PLCZ1: variants seen among roughly 807,000 people sequenced by gnomAD.
PLCZ1 encodes 1-phosphatidylinositol 4,5-bisphosphate phosphodiesterase zeta-1.
In PLCZ1, 64 loss-of-function variants were observed where a neutral mutation model predicts 76.8. That is an observed-to-expected ratio of 0.83 (90% CI 0.68 to 1.03). The LOEUF is 1.03. Among genes scored for constraint, PLCZ1 ranks in the 50% least tolerant of loss-of-function variants. The pLI is 0.00. For missense variants in PLCZ1, 751 were observed against 713.7 expected, an observed-to-expected ratio of 1.05 and a Z score of -0.60; for synonymous variants, 248 against 230.8, an observed-to-expected ratio of 1.07 and a Z score of -0.68.
the PLCZ1 span, among the ~76,000 whole-genome samples, chr12:18,664,627 G>A: frequency 6.6e-6 from 1 of 151,686 alleles, no homozygotes; most frequent in African/African-American, 2.4e-5. Flanking sequence ...GAACTAGAAA[G>A]ACCATTTGAC....
intron 7 of PLCZ1, among the ~76,000 whole-genome samples, chr12:18,703,586 C>G (rs1219079082): frequency 6.6e-6 from 1 of 152,168 alleles, no homozygotes; most frequent in Non-Finnish European, 1.5e-5. Flanking sequence ...TTGTGATTAC[C>G]TCTTTACAAT....
the PLCZ1 span, chr12:18,648,109 C>A: frequency 2.4e-6 from 2 of 823,866 alleles, no homozygotes; most frequent in Non-Finnish European, 3.6e-6. Flanking sequence ...ATAAGTAAGG[C>A]ATCTTTGTTG....
In PLCZ1 at chr12:18,723,414, T is replaced by G; in HGVS notation, c.264A>C (p.Leu88Phe). Residue 88 changes from leucine (L) to phenylalanine (F), a missense_variant, in exon 4 of 15, where the codon TTA (leucine) becomes TTC (phenylalanine). Physicochemically the swap from Leu to Phe is conservative, Grantham distance 22. Coordinates refer to ENST00000266505, the MANE Select transcript of PLCZ1 (RefSeq NM_033123.4). ...TCAGAAATTGAGCCAGATTACTTGC[T>G]AAAAGAATTTTCCGGTTTTCAGAAT... ...NTYSENRKIL[L>F]ASNLAQFLTQ... 1 of 1,613,084 alleles carries G rather than the reference T, an allele frequency of 6.2e-7. No individual in the cohort carries two copies. The highest frequency in any genetic ancestry group is 8.5e-7 in the Non-Finnish European group (1 of 1,179,474).
chr12:18,719,390 A>G, intron 5 of PLCZ1, 41 bp downstream of exon 5: 2 of 1,215,160 alleles, frequency 1.6e-6, no homozygotes, highest in Non-Finnish European at 1.1e-6. Flanking sequence ...GGAACTTCCA[A>G]GTATTTTTAA....
chr12:18,681,245 CGTAA>C (rs1952383896), downstream of PLCZ1, among the ~76,000 whole-genome samples: 2 of 152,040 alleles, frequency 1.3e-5, no homozygotes, highest in South Asian at 4.1e-4. Flanking sequence ...TGTAAAGAAG[CGTAA>C]GTCAGGGAAT....
At chr12:18,664,562 T>C in the PLCZ1 span, among the ~76,000 whole-genome samples, 1 of 152,108 alleles carries the variant, frequency 6.6e-6, no homozygotes, top group Admixed American at 6.6e-5. Flanking sequence ...ATACTTAAAG[T>C]GTTCAAAATC....
chr12:18,676,999 G>A, the PLCZ1 span, among the ~76,000 whole-genome samples: 1 of 152,080 alleles, frequency 6.6e-6, no homozygotes, highest in East Asian at 1.9e-4. Context: ...TTACTGAACA[G>A]ATATTTGTCA....
the PLCZ1 span, among the ~76,000 whole-genome samples, chr12:18,657,601 G>A: frequency 7.8e-3 from 1,184 of 152,108 alleles, 14 homozygotes; most frequent in African/African-American, 0.027. Flanking sequence ...TAAGCTAACC[G>A]AAAAGAGAAT....
chr12:18,723,891 G>A (rs1160915894), intron 3 of PLCZ1, among the ~76,000 whole-genome samples: 1 of 152,004 alleles, frequency 6.6e-6, no homozygotes. Flanking sequence ...CCACTGGTGT[G>A]CAGCCTGGAC....
At position 18,701,492 on chromosome 12, in the gene PLCZ1, C is replaced by A. The variant is rs763209995; in HGVS notation, c.1017+9G>T. Reference sequence around the variant, plus strand: ...TCACTTGTAAGATTTTCACAAAACACCACCTCACCTTCTTTTTCTTGAAAA... The same window carrying A: ...TCACTTGTAAGATTTTCACAAAACAACACCTCACCTTCTTTTTCTTGAAAA... On this transcript the variant is annotated intron_variant, in intron 9 of 14. Coordinates refer to ENST00000266505, the MANE Select transcript of PLCZ1 (RefSeq NM_033123.4). 5.0e-6 allele frequency: 8 copies of A among 1,613,930 alleles called. No homozygotes were observed. Among genetic ancestry groups the A allele is most frequent in the Non-Finnish European group, 5.1e-6 (6 of 1,179,956 alleles).
intron 12 of PLCZ1, chr12:18,692,788 A>G (rs1382952098): frequency 2.1e-6 from 3 of 1,437,396 alleles, no homozygotes; most frequent in Non-Finnish European, 1.9e-6. Flanking sequence ...AGTGGTGGTC[A>G]TGGTCCTGGA....
At chr12:18,674,477 A>G in the PLCZ1 span, among the ~76,000 whole-genome samples, 1 of 152,152 alleles carries the variant, frequency 6.6e-6, no homozygotes, top group Non-Finnish European at 1.5e-5. Context: ...CACTCTATGA[A>G]TTTTTTGGAC....
chr12:18,724,688 T>C (rs1958649807), intron 3 of PLCZ1, among the ~76,000 whole-genome samples: 1 of 152,140 alleles, frequency 6.6e-6, no homozygotes, highest in Non-Finnish European at 1.5e-5. Context: ...CAACTTACTG[T>C]TTTTAAATTC....
chr12:18,692,927 A>G, intron 12 of PLCZ1: 2 of 1,566,042 alleles, frequency 1.3e-6, no homozygotes, highest in Non-Finnish European at 1.8e-6. Context: ...GCAAACTGCC[A>G]CTGGTGACAC....
At chr12:18,737,765 A>C in intron 1 of PLCZ1, 167 bp downstream of exon 1, 1 of 348,308 alleles carries the variant, frequency 2.9e-6, no homozygotes, top group East Asian at 6.4e-5. Flanking sequence ...TAAACCCCTC[A>C]AACCTTTCAT....
At chr12:18,695,520 C>G (rs1448039590) in intron 11 of PLCZ1, among the ~76,000 whole-genome samples, 1 of 152,088 alleles carries the variant, frequency 6.6e-6, no homozygotes, top group African/African-American at 2.4e-5. Context: ...ATTGTCGTTA[C>G]AATATGGAAG....
chr12:18,680,839 TCTC>T (rs937250226), downstream of PLCZ1, among the ~76,000 whole-genome samples: 4 of 151,984 alleles, frequency 2.6e-5, no homozygotes, highest in African/African-American at 9.7e-5. Flanking sequence ...AAAGTAGAGT[TCTC>T]CTCTGTATTT....
At chr12:18,664,262 C>T in the PLCZ1 span, among the ~76,000 whole-genome samples, 2 of 152,158 alleles carry the variant, frequency 1.3e-5, no homozygotes, top group Non-Finnish European at 2.9e-5. Flanking sequence ...TCCTACAATT[C>T]CAGTTCTGAA....
chr12:18,666,500 A>G, the PLCZ1 span, among the ~76,000 whole-genome samples: 6 of 152,252 alleles, frequency 3.9e-5, no homozygotes, highest in East Asian at 1.2e-3. Flanking sequence ...ATATAATATA[A>G]AAGTATCCAT....
Sources: allele counts gnomAD v4.1 joint callset (sites outside exome capture counted in the v4.1 genomes callset), GRCh38; gene constraint gnomAD v4.1.1; transcripts MANE v1.5; gene names NCBI Gene and HGNC (gene_info 2026-07-23, HGNC 2026-07-21).